MYO5B: variants seen among roughly 807,000 people sequenced by gnomAD.
MYO5B encodes myosin VB, also known as unconventional myosin-Vb.
Under a neutral mutation model 229.3 loss-of-function variants are expected in MYO5B, and 143 were observed. That is an observed-to-expected ratio of 0.62 (90% CI 0.54 to 0.72). The LOEUF (loss-of-function observed/expected upper bound fraction) is 0.72. Ranked by LOEUF, MYO5B falls within the 30% of genes least tolerant of loss-of-function variation. The pLI, the probability that MYO5B is intolerant of heterozygous loss-of-function variation, is 0.00. For missense variants in MYO5B, 2,321 were observed against 2,331.0 expected (o/e 1.00, Z 0.09); for synonymous variants, 918 against 885.2 (o/e 1.04, Z -0.66).
intron 1 of MYO5B, among the ~76,000 whole-genome samples, chr18:50,134,627 C>G (rs569350993): frequency 6.6e-5 from 10 of 152,098 alleles, no homozygotes; most frequent in Non-Finnish European, 1.3e-4. Flanking sequence ...GGTTAGTATT[C>G]CAGAGCTCTC....
intron 1 of MYO5B, among the ~76,000 whole-genome samples, chr18:50,108,907 C>G (rs2031812498): frequency 6.6e-6 from 1 of 152,162 alleles, no homozygotes; most frequent in African/African-American, 2.4e-5. Flanking sequence ...GCAACCCTTT[C>G]CTTTCCTCAC....
In MYO5B at chr18:49,880,159, T is replaced by C. The variant is rs116432142; in HGVS notation, c.3130+212A>G. 2.8e-3 allele frequency among the ~76,000 whole-genome samples: 421 copies of C among 152,306 alleles called. 4 individuals carry two copies. The highest frequency in any genetic ancestry group is 0.01 in the Middle Eastern group (3 of 294). On this transcript the variant is annotated intron_variant, in intron 23 of 39. Coordinates refer to ENST00000285039, the MANE Select transcript of MYO5B (RefSeq NM_001080467.3). Reference sequence around the variant, plus strand: ...CTGACTCCAAGTCTCATGTACAATGTTGCCCATTATACGTGTCTCACCTCT... The same window carrying C: ...CTGACTCCAAGTCTCATGTACAATGCTGCCCATTATACGTGTCTCACCTCT...
Position 49,937,211 on chromosome 18 carries a change from C to T in MYO5B, c.1905+34G>A, listed in dbSNP as rs375704610. The T allele has an allele frequency of 4.3e-6, 7 of 1,613,162 alleles. No individual in the cohort carries two copies. In the African/African-American group the frequency reaches 8.0e-5, roughly 18 times the overall value. ...TACAGAGAGGCCAGCCCTGCACATG[C>T]ACCTCAGCCCATAGCTTTTGGTCCG... is the stretch of plus-strand genomic sequence containing the variant. On this transcript the variant is annotated intron_variant, in intron 15 of 39. Transcript: ENST00000285039.
At chr18:50,106,770 CA>C (rs1007734285) in intron 1 of MYO5B, among the ~76,000 whole-genome samples, 40 of 152,344 alleles carry the variant, frequency 2.6e-4, no homozygotes, top group African/African-American at 9.4e-4. Context: ...CTGACAGACC[CA>C]GTCCGTGAAA....
chr18:50,157,089 TG>T (rs1249764405), intron 1 of MYO5B, among the ~76,000 whole-genome samples: 1 of 131,328 alleles, frequency 7.6e-6, no homozygotes, highest in Non-Finnish European at 1.7e-5. Context: ...CTTTTTGTTT[TG>T]TTTTTTTTTT....
intron 1 of MYO5B, among the ~76,000 whole-genome samples, chr18:50,156,353 G>A (rs544930973): frequency 5.9e-5 from 9 of 152,276 alleles, no homozygotes; most frequent in South Asian, 2.1e-4. Flanking sequence ...CCCGTGTTGC[G>A]GGAGGGACCA....
chr18:49,872,048 G>A, intron 27 of MYO5B, 119 bp downstream of exon 27: 2 of 947,068 alleles, frequency 2.1e-6, no homozygotes, highest in Admixed American at 1.7e-5. Context: ...GAAGCTACCT[G>A]CTTACTGCTC....
chr18:50,068,532 C>T (rs746075838), intron 1 of MYO5B, among the ~76,000 whole-genome samples: 1 of 152,188 alleles, frequency 6.6e-6, no homozygotes, highest in East Asian at 1.9e-4. Context: ...TCCAAGCAGT[C>T]CCACCTTAAG....
At chr18:49,940,730 C>T (rs569080281) in intron 14 of MYO5B, among the ~76,000 whole-genome samples, 14 of 152,296 alleles carry the variant, frequency 9.2e-5, no homozygotes, top group African/African-American at 1.9e-4. Context: ...ATGAATTCCA[C>T]GGATCCAAGG....
chr18:50,052,974 G>C (rs72915717), intron 2 of MYO5B, among the ~76,000 whole-genome samples: 25,976 of 152,150 alleles, frequency 0.17, 2,272 homozygotes, highest in East Asian at 0.23. Context: ...TGAACTTCAG[G>C]GGGAGGGAGG....
At chr18:49,941,841 T>C (rs938536466) in intron 14 of MYO5B, among the ~76,000 whole-genome samples, 1 of 145,206 alleles carries the variant, frequency 6.9e-6, no homozygotes, top group African/African-American at 2.6e-5. Context: ...AAAGTTCATA[T>C]GGAACCAAAA....
chr18:49,892,926 A>G (rs2024731989), intron 22 of MYO5B, among the ~76,000 whole-genome samples: 1 of 152,052 alleles, frequency 6.6e-6, no homozygotes, highest in African/African-American at 2.4e-5. Context: ...AGCGTCCTTA[A>G]TTTTTTGTTA....
chr18:49,978,895 G>A (rs1312892197), intron 9 of MYO5B, among the ~76,000 whole-genome samples: 1 of 152,140 alleles, frequency 6.6e-6, no homozygotes, highest in Non-Finnish European at 1.5e-5. Flanking sequence ...ACCAGCCTCA[G>A]CCAGGCCTTG....
intron 38 of MYO5B, among the ~76,000 whole-genome samples, chr18:49,836,285 A>C (rs527949567): frequency 6.6e-6 from 1 of 152,328 alleles, no homozygotes; most frequent in South Asian, 2.1e-4. Flanking sequence ...ATATGACCAT[A>C]TTGCAATTAG....
At chr18:50,030,898 A>G (rs1445170260) in intron 4 of MYO5B, among the ~76,000 whole-genome samples, 3 of 144,938 alleles carry the variant, frequency 2.1e-5, no homozygotes, top group African/African-American at 7.9e-5. Context: ...AAAAAAAAAA[A>G]AAAAAAAAAA....
chr18:50,051,722 T>G (rs1023383416), intron 2 of MYO5B, among the ~76,000 whole-genome samples: 1 of 152,252 alleles, frequency 6.6e-6, no homozygotes, highest in African/African-American at 2.4e-5. Flanking sequence ...TATCATCTTG[T>G]TTACTTCAAT....
chr18:49,939,138 TC>T (rs376879516), intron 14 of MYO5B, among the ~76,000 whole-genome samples: 5 of 134,580 alleles, frequency 3.7e-5, no homozygotes, highest in Non-Finnish European at 1.6e-5. Context: ...TAACACTCTT[TC>T]TTTTTTTTCT....
chr18:50,143,382 C>G (rs1339531173), intron 1 of MYO5B, among the ~76,000 whole-genome samples: 1 of 152,190 alleles, frequency 6.6e-6, no homozygotes, highest in African/African-American at 2.4e-5. Flanking sequence ...AGGCAGGACC[C>G]AGGAGGCCCC....
chr18:49,897,638 A>T (rs1456944606), intron 21 of MYO5B, among the ~76,000 whole-genome samples: 1 of 152,210 alleles, frequency 6.6e-6, no homozygotes, highest in African/African-American at 2.4e-5. Flanking sequence ...GTAGAGTTGT[A>T]CATGTTTGTG....
Sources: allele counts gnomAD v4.1 joint callset (sites outside exome capture counted in the v4.1 genomes callset), GRCh38; gene constraint gnomAD v4.1.1; transcripts MANE v1.5; gene names NCBI Gene and HGNC (gene_info 2026-07-23, HGNC 2026-07-21).